GALNT6: variants seen among roughly 807,000 people sequenced by gnomAD.
The protein encoded by GALNT6 is polypeptide N-acetylgalactosaminyltransferase 6.
Under a neutral mutation model 65.9 loss-of-function variants are expected in GALNT6, and 51 were observed. The ratio of observed to expected loss-of-function variants is 0.77; its 90% CI spans 0.62 to 0.98. The LOEUF (loss-of-function observed/expected upper bound fraction) is 0.98, where lower values mean the gene tolerates loss of function less well. GALNT6 is among the 50% of genes least tolerant of loss of function. GALNT6 has a pLI of 0.00. For missense variants in GALNT6, 708 were observed against 803.3 expected, an observed-to-expected ratio of 0.88 and a Z score of 1.43; for synonymous variants, 323 against 315.1, an observed-to-expected ratio of 1.02 and a Z score of -0.26.
At chr12:51,373,015 C>T (rs117944159) in intron 4 of GALNT6, among the ~76,000 whole-genome samples, 1,930 of 152,290 alleles carry the variant, frequency 0.013, 56 homozygotes, top group East Asian at 0.12. Context: ...GTTGTATTTA[C>T]GCAATGCCTA....
At chr12:51,374,906 CCTT>C (rs1042340817) in intron 4 of GALNT6, among the ~76,000 whole-genome samples, 2 of 152,192 alleles carry the variant, frequency 1.3e-5, no homozygotes, top group African/African-American at 4.8e-5. Context: ...TTCAACGACT[CCTT>C]CTTACTTTCT....
chr12:51,373,557 T>A (rs1227728290), intron 4 of GALNT6, among the ~76,000 whole-genome samples: 1 of 152,114 alleles, frequency 6.6e-6, no homozygotes, highest in East Asian at 1.9e-4. Context: ...CCTTTATAAA[T>A]GAGAATGGAC....
Position 51,359,243 on chromosome 12 carries a change from C to G in GALNT6, c.1257G>C (p.Lys419Asn). 6.2e-7 allele frequency: 1 copy of G among 1,614,000 alleles called. No individual in the cohort carries two copies. The highest frequency in any genetic ancestry group is 8.5e-7 in the Non-Finnish European group (1 of 1,179,866). ...FRTKSPHTFP[K>N]GTSVIARNQV... Reference sequence around the variant, plus strand: ...GATTGCGAGCAATGACACTAGTGCCCTTGGGGAAGGTGTGGGGGCTCTTGG... The same window carrying G: ...GATTGCGAGCAATGACACTAGTGCCGTTGGGGAAGGTGTGGGGGCTCTTGG... The change falls in exon 8 of 12, where the codon AAG (lysine) becomes AAC (asparagine). Residue 419 changes from lysine to asparagine, a missense_variant. Transcript: ENST00000356317.
At chr12:51,356,283 C>T (rs1946742895) in intron 10 of GALNT6, among the ~76,000 whole-genome samples, 1 of 150,676 alleles carries the variant, frequency 6.6e-6, no homozygotes, top group Non-Finnish European at 1.5e-5. Context: ...TCAAGTGATC[C>T]TCCCACCTTG....
intron 2 of GALNT6, 39 bp from the exon 3 acceptor site, chr12:51,379,923 A>G (rs1947607535): frequency 2.3e-6 from 2 of 875,526 alleles, no homozygotes; most frequent in Admixed American, 2.9e-5. Context: ...GTGAGCCAAC[A>G]CAGGGTAAGG....
At chr12:51,357,006 C>T (rs1354117626) in intron 10 of GALNT6, among the ~76,000 whole-genome samples, 5 of 152,102 alleles carry the variant, frequency 3.3e-5, no homozygotes, top group African/African-American at 1.2e-4. Context: ...AGCTTCTGGG[C>T]AGAGGATGCA....
At chr12:51,378,868 G>C (rs1565730037) in intron 3 of GALNT6, among the ~76,000 whole-genome samples, 1 of 139,472 alleles carries the variant, frequency 7.2e-6, no homozygotes, top group Non-Finnish European at 1.5e-5. Flanking sequence ...CAGGGTTGCT[G>C]TTAAGAAATG....
intron 8 of GALNT6, 120 bp downstream of exon 8, chr12:51,359,012 G>A: frequency 2.6e-6 from 2 of 760,762 alleles, no homozygotes; most frequent in South Asian, 1.6e-5. Flanking sequence ...AGGTCCCTGA[G>A]GGTGAAGGGA....
At position 51,379,625 on chromosome 12, in the gene GALNT6, C is replaced by A. The variant is rs138533375; in HGVS notation, c.157G>T (p.Val53Phe). 3.1e-6 allele frequency: 5 copies of A among 1,614,074 alleles called. No homozygotes were observed. The East Asian group carries it at 1.1e-4, about 36-fold the overall frequency. Residue 53 changes from valine to phenylalanine, a missense_variant, in exon 3 of 12, where the codon GTC (valine) becomes TTC (phenylalanine). Physicochemically the swap from Val to Phe is conservative, Grantham distance 50. Coordinates refer to ENST00000356317, the MANE Select transcript of GALNT6 (RefSeq NM_007210.4). ...LKSLVSRKDH[V>F]LDLMLEAMNN... ...ATGGCCTCCAGCATGAGGTCCAGGA[C>A]GTGATCCTTCCGGCTCACCAGGGAC...
intron 4 of GALNT6, among the ~76,000 whole-genome samples, chr12:51,367,390 A>G (rs1427493228): frequency 6.6e-6 from 1 of 152,202 alleles, no homozygotes; most frequent in African/African-American, 2.4e-5. Flanking sequence ...AGCTGAGATC[A>G]TGCCACTGCA....
intron 10 of GALNT6, 29 bp downstream of exon 10, chr12:51,357,320 G>C: frequency 7.1e-7 from 1 of 1,398,790 alleles, no homozygotes; most frequent in South Asian, 1.2e-5. Flanking sequence ...GAGGAGAGGA[G>C]ATGCTCCGGA....
chr12:51,380,270 C>T (rs75775470), intron 2 of GALNT6, among the ~76,000 whole-genome samples: 1 of 152,110 alleles, frequency 6.6e-6, no homozygotes, highest in Admixed American at 6.5e-5. Flanking sequence ...CTGGTAGATG[C>T]AAACCAAGAG....
chr12:51,355,170 G>A (rs1000667935), intron 11 of GALNT6, among the ~76,000 whole-genome samples: 1 of 152,180 alleles, frequency 6.6e-6, no homozygotes, highest in Non-Finnish European at 1.5e-5. Flanking sequence ...CCAGGCATGT[G>A]AGTGCCTAGC....
chr12:51,365,030 T>C (rs1426304729), intron 5 of GALNT6, among the ~76,000 whole-genome samples: 2 of 152,076 alleles, frequency 1.3e-5, no homozygotes, highest in African/African-American at 4.8e-5. Flanking sequence ...AGTGTTTTGG[T>C]TTTGGGCAAG....
chr12:51,359,122 T>C lies in GALNT6; in HGVS notation c.1368+10A>G, dbSNP rs969015319. 1 of 1,607,626 alleles carries C rather than the reference T, an allele frequency of 6.2e-7. No individual in the cohort carries two copies. The highest frequency in any genetic ancestry group is 1.7e-5 in the Admixed American group (1 of 59,992). ...TCATCTAAACCTCTCCGAGAACCAT[T>C]TCCTCTCACCTCTTGGGCCATCTTT... is the stretch of plus-strand genomic sequence containing the variant. On this transcript the variant is annotated intron_variant, in intron 8 of 11. Coordinates refer to ENST00000356317, the MANE Select transcript of GALNT6 (RefSeq NM_007210.4).
In GALNT6 at chr12:51,360,721, C is replaced by A; in HGVS notation, c.1167G>T (p.Arg389=). The A allele has an allele frequency of 6.4e-7, 1 of 1,572,524 alleles. No homozygotes were observed. The highest frequency in any genetic ancestry group is 1.1e-5 in the South Asian group (1 of 90,234). The change falls in exon 7 of 12, where the codon CGG becomes CGT. Residue 389 remains arginine (R), a splice_region_variant and synonymous_variant. Coordinates refer to ENST00000356317, the MANE Select transcript of GALNT6 (RefSeq NM_007210.4). ...CCCCCAAAGCCCTCTTCACTCTCACCCGGAAGGACATTTCCACGTTCTCCC... is the reference window on the plus strand; with the variant it reads ...CCCCCAAAGCCCTCTTCACTCTCACACGGAAGGACATTTCCACGTTCTCCC... ...WGGENVEMSF[R]VWQCGGQLEI... is the part of the protein sequence containing the mutation.
intron 4 of GALNT6, among the ~76,000 whole-genome samples, chr12:51,372,846 C>T (rs1170162182): frequency 2.6e-5 from 4 of 152,212 alleles, no homozygotes; most frequent in African/African-American, 4.8e-5. Flanking sequence ...TCCAAGGCTA[C>T]GGGAGCCCAC....
intron 5 of GALNT6, among the ~76,000 whole-genome samples, chr12:51,364,921 C>T (rs1947044757): frequency 6.6e-6 from 1 of 152,166 alleles, no homozygotes; most frequent in Non-Finnish European, 1.5e-5. Flanking sequence ...GGGGCAGGGT[C>T]AGAATGCAAA....
Position 51,359,405 on chromosome 12 carries a change from C to T in GALNT6, c.1168-73G>A, listed in dbSNP as rs75511735. 1.2e-3 allele frequency: 1,277 copies of T among 1,049,488 alleles called. 20 individuals are homozygous for T. The African/African-American group carries it at 0.018, about 15-fold the overall frequency. The allele number at this position is 1,049,488 out of a possible 1,614,324, so 65.0% of individuals were successfully genotyped here. On this transcript the variant is annotated intron_variant, in intron 7 of 11. Coordinates refer to ENST00000356317, the MANE Select transcript of GALNT6 (RefSeq NM_007210.4). ...CAGTCTCCCCATAAGCAGCTCTATT[C>T]TATTCCCAGAGCACCAGACCCCAGG...
Sources: allele counts gnomAD v4.1 joint callset (sites outside exome capture counted in the v4.1 genomes callset), GRCh38; gene constraint gnomAD v4.1.1; transcripts MANE v1.5; gene names NCBI Gene and HGNC (gene_info 2026-07-23, HGNC 2026-07-21).